The following CX3CR1 variants were observed in gnomAD, a reference collection of about 807,000 sequenced individuals.
The protein encoded by CX3CR1 is C-X3-C motif chemokine receptor 1, also known as CX3C chemokine receptor 1.
For synonymous variants in CX3CR1, 168 were observed against 178.5 expected (o/e 0.94, Z 0.47); for missense variants, 363 against 432.4 (o/e 0.84, Z 1.42).
At chr3:39,271,452 A>G (rs969791495) in intron 1 of CX3CR1, among the ~76,000 whole-genome samples, 2 of 152,228 alleles carry the variant, frequency 1.3e-5, no homozygotes, top group African/African-American at 4.8e-5. Flanking sequence ...ATGGAGCCCC[A>G]GGAGATGAGA....
chr3:39,285,852 C>G (rs1006275501), upstream of CX3CR1: 1 of 152,148 alleles, frequency 6.6e-6, no homozygotes, highest in Non-Finnish European at 1.5e-5. Flanking sequence ...AATTAATTGC[C>G]AAAATGTCTT....
upstream of CX3CR1, among the ~76,000 whole-genome samples, chr3:39,283,802 T>C (rs917624426): frequency 2.8e-5 from 1 of 35,878 alleles, no homozygotes; most frequent in East Asian, 5.1e-4. Flanking sequence ...AAATTATATA[T>C]ATATATATAT....
At chr3:39,291,937 C>T in the CX3CR1 span, among the ~76,000 whole-genome samples, 12 of 152,224 alleles carry the variant, frequency 7.9e-5, no homozygotes, top group African/African-American at 2.7e-4. Flanking sequence ...AGGGCTTTCT[C>T]CTGGCTCTAG....
At chr3:39,268,638 G>C (rs955595495) in intron 1 of CX3CR1, among the ~76,000 whole-genome samples, 1 of 152,138 alleles carries the variant, frequency 6.6e-6, no homozygotes, top group African/African-American at 2.4e-5. Flanking sequence ...AAATTGTCTC[G>C]CATCTCTTTA....
chr3:39,288,790 G>A, the CX3CR1 span, among the ~76,000 whole-genome samples: 1 of 152,186 alleles, frequency 6.6e-6, no homozygotes, highest in Non-Finnish European at 1.5e-5. Flanking sequence ...CCACTCTCCT[G>A]GTTCAAATCC....
At chr3:39,269,958 T>C (rs906799039) in intron 1 of CX3CR1, among the ~76,000 whole-genome samples, 2 of 152,244 alleles carry the variant, frequency 1.3e-5, no homozygotes, top group Admixed American at 6.5e-5. Flanking sequence ...ACATTTTTGA[T>C]CTTCATGTTC....
At chr3:39,291,540 G>C in the CX3CR1 span, among the ~76,000 whole-genome samples, 1 of 152,176 alleles carries the variant, frequency 6.6e-6, no homozygotes, top group Non-Finnish European at 1.5e-5. Flanking sequence ...TTGGGATTTT[G>C]TGTTCCTTTT....
intron 1 of CX3CR1, among the ~76,000 whole-genome samples, chr3:39,271,843 C>T (rs2040781776): frequency 6.6e-6 from 1 of 152,190 alleles, no homozygotes; most frequent in South Asian, 2.1e-4. Flanking sequence ...AAGACTGAGC[C>T]TGAGCTGAGT....
chr3:39,270,166 G>A (rs7615733), intron 1 of CX3CR1, among the ~76,000 whole-genome samples: 107,002 of 152,026 alleles, frequency 0.7, 37,695 homozygotes, highest in East Asian at 0.75. Context: ...TCAAGGACTC[G>A]ATGACTATCA....
upstream of CX3CR1, chr3:39,281,282 G>T: frequency 9.0e-7 from 1 of 1,111,350 alleles, no homozygotes; most frequent in Non-Finnish European, 1.1e-6. Flanking sequence ...GCAGAGTCAG[G>T]CCGCTCCCCA....
chr3:39,266,682 G>A (rs923156794), intron 1 of CX3CR1, 164 bp from the exon 2 acceptor site: 1 of 788,776 alleles, frequency 1.3e-6, no homozygotes, highest in African/African-American at 1.7e-5. Flanking sequence ...CCCCACAACA[G>A]TCTTGTGATG....
upstream of CX3CR1, chr3:39,281,286 C>T: frequency 9.0e-7 from 1 of 1,114,284 alleles, no homozygotes; most frequent in South Asian, 2.6e-5. Context: ...AGTCAGGCCG[C>T]TCCCCATCCA....
At chr3:39,282,815 G>A (rs2040915814), upstream of CX3CR1, among the ~76,000 whole-genome samples, 1 of 152,208 alleles carries the variant, frequency 6.6e-6, no homozygotes, top group African/African-American at 2.4e-5. Flanking sequence ...AGGTCTGCCT[G>A]AGGCAATGTC....
upstream of CX3CR1, among the ~76,000 whole-genome samples, chr3:39,283,797 ATATATATATATATATATATATATATATAT>A (rs2040925841): frequency 4.2e-5 from 1 of 23,730 alleles, no homozygotes; most frequent in Non-Finnish European, 9.1e-5. Context: ...AAAAAAAATT[ATATATATATATATATATATATATATATAT>A]ATATATATAT....
At chr3:39,284,092 T>C (rs1010894441), upstream of CX3CR1, among the ~76,000 whole-genome samples, 3 of 151,716 alleles carry the variant, frequency 2.0e-5, no homozygotes, top group African/African-American at 7.3e-5. Context: ...ACACACGCTA[T>C]GTACCCCGCC....
chr3:39,280,694 C>T (rs2040886741), upstream of CX3CR1, among the ~76,000 whole-genome samples: 1 of 152,208 alleles, frequency 6.6e-6, no homozygotes, highest in Non-Finnish European at 1.5e-5. Flanking sequence ...GAGGACACAG[C>T]TTTCACCCAG....
intron 1 of CX3CR1, among the ~76,000 whole-genome samples, chr3:39,274,230 ATGATG>A (rs1258699922): frequency 3.9e-5 from 6 of 152,304 alleles, no homozygotes; most frequent in African/African-American, 1.2e-4. Flanking sequence ...TTTCTCATTT[ATGATG>A]GCAGCTATTT....
At chr3:39,288,221 TGCCGCTATTATG>T in the CX3CR1 span, among the ~76,000 whole-genome samples, 1 of 152,216 alleles carries the variant, frequency 6.6e-6, no homozygotes, top group African/African-American at 2.4e-5. Context: ...TATTGGTAAT[TGCCGCTATTATG>T]TGTCACACTT....
At chr3:39,284,358 C>T (rs1371577980), upstream of CX3CR1, among the ~76,000 whole-genome samples, 7 of 152,138 alleles carry the variant, frequency 4.6e-5, no homozygotes, top group African/African-American at 1.7e-4. Flanking sequence ...GATGGGGTTT[C>T]ACCACGTTGG....
Sources: allele counts gnomAD v4.1 joint callset (sites outside exome capture counted in the v4.1 genomes callset), GRCh38; gene constraint gnomAD v4.1.1; transcripts MANE v1.5; gene names NCBI Gene and HGNC (gene_info 2026-07-23, HGNC 2026-07-21).